TTC29: variants seen among roughly 807,000 people sequenced by gnomAD.
The protein encoded by TTC29 is tetratricopeptide repeat domain 29, also known as tetratricopeptide repeat protein 29.
In TTC29, 49 loss-of-function variants were observed where a neutral mutation model predicts 58.1. That is an observed-to-expected ratio of 0.84 (90% CI 0.67 to 1.07). The LOEUF is 1.07. TTC29 is among the 50% of genes least tolerant of loss of function. TTC29 has a pLI of 0.00. For synonymous variants in TTC29, 209 were observed against 196.8 expected (o/e 1.06, Z -0.52); for missense variants, 582 against 555.6 (o/e 1.05, Z -0.48).
intron 6 of TTC29, among the ~76,000 whole-genome samples, chr4:146,876,648 G>A (rs750176197): frequency 4.4e-4 from 67 of 152,226 alleles, no homozygotes; most frequent in Non-Finnish European, 8.7e-4. Flanking sequence ...GAAAAATTCA[G>A]TAGACAGGCC....
intron 4 of TTC29, among the ~76,000 whole-genome samples, chr4:146,929,697 T>C (rs1410056986): frequency 6.6e-6 from 1 of 152,120 alleles, no homozygotes; most frequent in East Asian, 1.9e-4. Flanking sequence ...GAATTAGTGA[T>C]GTGTTCCTGA....
chr4:146,779,004 G>GAAAAA (rs71592470), intron 11 of TTC29, among the ~76,000 whole-genome samples: 2 of 79,896 alleles, frequency 2.5e-5, no homozygotes, highest in African/African-American at 4.9e-5. Context: ...AAAAAAAAAA[G>GAAAAA]AAAAGAAAAG....
At chr4:146,814,429 G>C (rs1751244166) in intron 10 of TTC29, among the ~76,000 whole-genome samples, 1 of 147,358 alleles carries the variant, frequency 6.8e-6, no homozygotes, top group South Asian at 2.2e-4. Flanking sequence ...TTAAAAAAAA[G>C]TTGGGGGGTG....
intron 4 of TTC29, among the ~76,000 whole-genome samples, chr4:146,922,212 G>C (rs1017002440): frequency 6.6e-6 from 1 of 150,854 alleles, no homozygotes; most frequent in Non-Finnish European, 1.5e-5. Context: ...TAAAAAACAG[G>C]AGCAACTCAT....
intron 11 of TTC29, among the ~76,000 whole-genome samples, chr4:146,785,496 T>C (rs1748943174): frequency 1.3e-5 from 2 of 152,220 alleles, no homozygotes; most frequent in Non-Finnish European, 2.9e-5. Context: ...TGTGCTGTAA[T>C]TGTTAATACA....
chr4:146,730,331 C>T (rs974474938), intron 11 of TTC29, among the ~76,000 whole-genome samples: 1 of 152,072 alleles, frequency 6.6e-6, no homozygotes, highest in Non-Finnish European at 1.5e-5. Flanking sequence ...ATTTTGGCCA[C>T]TCTAAGTCTG....
chr4:146,916,452 G>A (rs1205826722), intron 4 of TTC29, among the ~76,000 whole-genome samples: 2 of 151,576 alleles, frequency 1.3e-5, no homozygotes, highest in South Asian at 2.1e-4. Flanking sequence ...TGCTTAGGTT[G>A]TTCACAATTA....
At chr4:146,938,643 G>A (rs1736073087) in intron 3 of TTC29, among the ~76,000 whole-genome samples, 1 of 151,976 alleles carries the variant, frequency 6.6e-6, no homozygotes, top group African/African-American at 2.4e-5. Flanking sequence ...TCCGCTATAG[G>A]AAAAGAAAAT....
chr4:146,768,553 A>G (rs559615988), intron 11 of TTC29, among the ~76,000 whole-genome samples: 1 of 152,142 alleles, frequency 6.6e-6, no homozygotes, highest in South Asian at 2.1e-4. Flanking sequence ...GAAAAAGATG[A>G]CAATTTTGAA....
At chr4:146,848,759 T>C (rs981263138) in intron 8 of TTC29, among the ~76,000 whole-genome samples, 3 of 152,190 alleles carry the variant, frequency 2.0e-5, no homozygotes, top group African/African-American at 7.2e-5. Flanking sequence ...AGCCCTGCCA[T>C]TCTCCCAGCT....
At chr4:146,854,962 C>T (rs1408125695) in intron 8 of TTC29, among the ~76,000 whole-genome samples, 1 of 152,118 alleles carries the variant, frequency 6.6e-6, no homozygotes, top group African/African-American at 2.4e-5. Flanking sequence ...TCTTCTTTCT[C>T]TTTTTCTATT....
chr4:146,717,203 T>C (rs554941153), intron 11 of TTC29, among the ~76,000 whole-genome samples: 15 of 152,232 alleles, frequency 9.9e-5, no homozygotes, highest in African/African-American at 3.4e-4. Context: ...AATAAGTAAA[T>C]ATAAATTTTT....
intron 11 of TTC29, among the ~76,000 whole-genome samples, chr4:146,728,928 CTCTAGTGAATCA>C (rs1441749385): frequency 6.7e-6 from 1 of 148,636 alleles, no homozygotes; most frequent in Non-Finnish European, 1.5e-5. Flanking sequence ...TCTAGATGCC[CTCTAGTGAATCA>C]TCTCTCTGAA....
intron 8 of TTC29, among the ~76,000 whole-genome samples, chr4:146,842,648 C>A (rs1299471853): frequency 6.6e-6 from 1 of 152,060 alleles, no homozygotes; most frequent in Non-Finnish European, 1.5e-5. Context: ...GAGTCCTTTG[C>A]CCAGGGTACA....
intron 6 of TTC29, among the ~76,000 whole-genome samples, chr4:146,875,214 A>T (rs923631911): frequency 1.3e-5 from 2 of 152,196 alleles, no homozygotes; most frequent in African/African-American, 4.8e-5. Context: ...AGCAATATTT[A>T]TTAATAGCCA....
chr4:146,864,018 A>C (rs1730412201), intron 8 of TTC29, among the ~76,000 whole-genome samples: 1 of 152,206 alleles, frequency 6.6e-6, no homozygotes, highest in African/African-American at 2.4e-5. Flanking sequence ...TTCGCCAGCT[A>C]TCTGGGCATC....
intron 11 of TTC29, among the ~76,000 whole-genome samples, chr4:146,769,381 A>T (rs955475577): frequency 3.9e-5 from 6 of 151,992 alleles, no homozygotes; most frequent in Admixed American, 3.9e-4. Flanking sequence ...TTTTTAAAAA[A>T]TGGTTTCTCT....
intron 11 of TTC29, among the ~76,000 whole-genome samples, chr4:146,711,048 A>G (rs1360216076): frequency 2.6e-5 from 4 of 152,112 alleles, no homozygotes; most frequent in African/African-American, 9.7e-5. Context: ...GGGGACTGGA[A>G]AGGTAAATGA....
chr4:146,924,414 A>G (rs1196176224), intron 4 of TTC29, among the ~76,000 whole-genome samples: 1 of 151,800 alleles, frequency 6.6e-6, no homozygotes, highest in East Asian at 1.9e-4. Flanking sequence ...AGTTTTTTTA[A>G]CTATAGATTT....
Sources: allele counts gnomAD v4.1 joint callset (sites outside exome capture counted in the v4.1 genomes callset), GRCh38; gene constraint gnomAD v4.1.1; transcripts MANE v1.5; gene names NCBI Gene and HGNC (gene_info 2026-07-23, HGNC 2026-07-21).